HMHB1: variants seen among roughly 807,000 people sequenced by gnomAD.
The protein encoded by HMHB1 is minor histocompatibility protein HB-1.
In HMHB1, 4 loss-of-function variants were observed where a neutral mutation model predicts 2.4. The ratio of observed to expected loss-of-function variants is 1.65; its 90% CI spans 0.81 to 3.77. The LOEUF (loss-of-function observed/expected upper bound fraction) is 3.77. Ranked by LOEUF, HMHB1 falls within the 30% of genes most tolerant of loss-of-function variation. The probability of loss-of-function intolerance (pLI) is 0.01; values close to 1 mark genes in which losing one functional copy is unlikely to be tolerated. For synonymous variants in HMHB1, 22 were observed against 17.6 expected (o/e 1.25, Z -0.63); for missense variants, 57 against 44.2 (o/e 1.29, Z -0.82).
Position 143,820,669 on chromosome 5 carries a change from T to C in HMHB1, c.*101T>C. 1.3e-6 allele frequency: 1 copy of C among 760,012 alleles called. No individual in the cohort carries two copies. The allele number at this position is 760,012 out of a possible 1,614,324, so 47.1% of individuals were successfully genotyped here. Reference sequence around the variant, plus strand: ...AGAGTAAAATTAAGCAAGTGGAACATATGCCCTTTGCCTCTGCTCTGCACA... The same window carrying C: ...AGAGTAAAATTAAGCAAGTGGAACACATGCCCTTTGCCTCTGCTCTGCACA... On this transcript the variant is annotated 3_prime_UTR_variant, in exon 2 of 2. Coordinates refer to ENST00000289448, the MANE Select transcript of HMHB1 (RefSeq NM_021182.3).
chr5:143,820,648 T>C lies in HMHB1; in HGVS notation c.*80T>C, dbSNP rs1164160281. On this transcript the variant is annotated 3_prime_UTR_variant, in exon 2 of 2. Transcript: ENST00000289448. ...ACAAATTGCTGAGCATGAAGAAGAG[T>C]AAAATTAAGCAAGTGGAACATATGC... is the stretch of plus-strand genomic sequence containing the variant. 4 of 895,994 alleles carry C rather than the reference T, an allele frequency of 4.5e-6. No homozygotes were observed. In the African/African-American group the frequency reaches 6.6e-5, roughly 15 times the overall value. The allele number at this position is 895,994 out of a possible 1,614,324, so 55.5% of individuals were successfully genotyped here.
At position 143,818,849 on chromosome 5, in the gene HMHB1, G is replaced by T. The variant is rs75199842; in HGVS notation, c.38-1631G>T. 3.8e-3 allele frequency among the ~76,000 whole-genome samples: 584 copies of T among 151,954 alleles called. 5 individuals carry two copies. The highest frequency in any genetic ancestry group is 0.014 in the African/African-American group (562 of 41,430). ...AATATGTACTCCACCACATGCAATGGTTAGACCTTCTGTTGCAAGTACAGA... is the reference window on the plus strand; with the variant it reads ...AATATGTACTCCACCACATGCAATGTTTAGACCTTCTGTTGCAAGTACAGA... On this transcript the variant is annotated intron_variant, in intron 1 of 1. Coordinates refer to ENST00000289448, the MANE Select transcript of HMHB1 (RefSeq NM_021182.3).
intron 1 of HMHB1, among the ~76,000 whole-genome samples, chr5:143,814,637 T>C (rs924849358): frequency 7.9e-5 from 12 of 152,338 alleles, no homozygotes; most frequent in African/African-American, 2.6e-4. Context: ...GCAAGGATGC[T>C]GTCATTATAG....
intron 1 of HMHB1, among the ~76,000 whole-genome samples, chr5:143,815,739 G>T (rs1759740763): frequency 6.8e-6 from 1 of 147,304 alleles, no homozygotes; most frequent in African/African-American, 2.6e-5. Flanking sequence ...TCGCTCTGTC[G>T]CCCAGGCCGG....
intron 1 of HMHB1, among the ~76,000 whole-genome samples, chr5:143,813,746 CTTTT>C (rs1019191785): frequency 1.3e-5 from 2 of 152,136 alleles, no homozygotes; most frequent in South Asian, 4.2e-4. Flanking sequence ...ATAAAATTAA[CTTTT>C]TTTATCTCCA....
rs60960654 is a variant in HMHB1 at position 143,820,318 on chromosome 5, T to TAAAAAAAAAAAAAAAAAAAAAAAA, written c.38-153_38-130dup. Among the ~76,000 whole-genome samples the TAAAAAAAAAAAAAAAAAAAAAAAA allele has an allele frequency of 8.2e-4, 39 of 47,576 alleles. 1 individual carries two copies. Among genetic ancestry groups the TAAAAAAAAAAAAAAAAAAAAAAAA allele is most frequent in the African/African-American group, 9.8e-4 (14 of 14,230 alleles). The allele number at this position is 47,576 out of a possible 152,430, so 31.2% of individuals were successfully genotyped here. A position where few individuals can be genotyped will look rare whatever the true frequency, so the allele number is the denominator to read the frequency against. On this transcript the variant is annotated intron_variant, in intron 1 of 1. Transcript: ENST00000289448. ...AGGTGCTGCCCCGGCTCATCATAAG[T>TAAAAAAAAAAAAAAAAAAAAAAAA]AAAAAAAAAAAAAAAAAAAAAAAAA...
intron 1 of HMHB1, 118 bp downstream of exon 1, chr5:143,812,422 G>T: frequency 1.1e-6 from 1 of 936,118 alleles, no homozygotes; most frequent in South Asian, 1.5e-5. Context: ...TGAAAACAGG[G>T]ATGGCGGAAG....
At chr5:143,820,012 T>C (rs895871018) in intron 1 of HMHB1, among the ~76,000 whole-genome samples, 5 of 152,240 alleles carry the variant, frequency 3.3e-5, no homozygotes, top group African/African-American at 1.2e-4. Flanking sequence ...CAACAGTTAC[T>C]CTCAGAGTTC....
chr5:143,818,981 C>T (rs991938989), intron 1 of HMHB1, among the ~76,000 whole-genome samples: 1 of 152,152 alleles, frequency 6.6e-6, no homozygotes, highest in Non-Finnish European at 1.5e-5. Flanking sequence ...TAGGAAATCA[C>T]CTGAACTAGA....
intron 1 of HMHB1, among the ~76,000 whole-genome samples, chr5:143,812,639 G>A (rs955693401): frequency 2.0e-5 from 3 of 152,116 alleles, no homozygotes; most frequent in Non-Finnish European, 2.9e-5. Flanking sequence ...CCTCTGGGTC[G>A]GAGCCAGGGT....
At chr5:143,820,355 ACAAAAC>A in intron 1 of HMHB1, 119 bp from the exon 2 acceptor site, 1 of 326,672 alleles carries the variant, frequency 3.1e-6, no homozygotes, top group Non-Finnish European at 5.7e-6. Flanking sequence ...AAAAAACAGA[ACAAAAC>A]AAAACTAAAA....
chr5:143,820,323 A>T (rs1759795867), intron 1 of HMHB1, among the ~76,000 whole-genome samples, 157 bp from the exon 2 acceptor site: 1 of 65,598 alleles, frequency 1.5e-5, no homozygotes, highest in African/African-American at 7.4e-5. Context: ...ATAAGTAAAA[A>T]AAAAAAAAAA....
chr5:143,817,816 T>C (rs974134007), intron 1 of HMHB1, among the ~76,000 whole-genome samples: 3 of 152,204 alleles, frequency 2.0e-5, no homozygotes, highest in Non-Finnish European at 4.4e-5. Context: ...TTTCACAATA[T>C]TGATTTGCAG....
intron 1 of HMHB1, among the ~76,000 whole-genome samples, chr5:143,818,214 T>C (rs1759770086): frequency 6.6e-6 from 1 of 152,176 alleles, no homozygotes; most frequent in African/African-American, 2.4e-5. Context: ...CATAACAAAG[T>C]GGTAAGACAG....
intron 1 of HMHB1, among the ~76,000 whole-genome samples, chr5:143,818,003 G>T (rs1759768363): frequency 6.6e-6 from 1 of 152,134 alleles, no homozygotes; most frequent in African/African-American, 2.4e-5. Context: ...TCCCCAAACT[G>T]ATCAATAGAT....
intron 1 of HMHB1, among the ~76,000 whole-genome samples, chr5:143,814,330 A>G (rs1329160908): frequency 6.6e-6 from 1 of 152,250 alleles, no homozygotes; most frequent in Non-Finnish European, 1.5e-5. Flanking sequence ...TCCTTATAAA[A>G]TACTTTTATT....
At chr5:143,814,210 T>A (rs926360779) in intron 1 of HMHB1, among the ~76,000 whole-genome samples, 1 of 152,206 alleles carries the variant, frequency 6.6e-6, no homozygotes, top group Non-Finnish European at 1.5e-5. Flanking sequence ...CCAGGCTGCA[T>A]CCAGCCAAAT....
At position 143,812,220 on chromosome 5, in the gene HMHB1, G is replaced by C; in HGVS notation, c.-48G>C. 1.3e-6 allele frequency: 2 copies of C among 1,545,480 alleles called. No homozygotes were observed. The highest frequency in any genetic ancestry group is 1.8e-6 in the Non-Finnish European group (2 of 1,141,916). ...ATCTCAGAAGCCGGGCAGGCCCTGAGCCTTCTGACCTCACATCCTCTGCCA... is the reference window on the plus strand; with the variant it reads ...ATCTCAGAAGCCGGGCAGGCCCTGACCCTTCTGACCTCACATCCTCTGCCA... On this transcript the variant is annotated 5_prime_UTR_variant, in exon 1 of 2. Coordinates refer to ENST00000289448, the MANE Select transcript of HMHB1 (RefSeq NM_021182.3).
chr5:143,812,398 G>C, intron 1 of HMHB1, 94 bp downstream of exon 1: 1 of 1,193,002 alleles, frequency 8.4e-7, no homozygotes, highest in Non-Finnish European at 1.2e-6. Context: ...GAATGAGAGG[G>C]AAACCACAAC....
Sources: gnomAD v4.1 joint callset for allele counts (sites outside exome capture counted in the v4.1 genomes callset) on GRCh38, gnomAD v4.1.1 for gene constraint, MANE v1.5 for transcripts, NCBI Gene and HGNC (gene_info 2026-07-23, HGNC 2026-07-21) for gene names.